Variants in DLEU7 observed in about 807,000 individuals in gnomAD.
DLEU7 encodes deleted in lymphocytic leukemia 7, also known as leukemia-associated protein 7.
A neutral mutation model predicts 16.0 loss-of-function variants in DLEU7; 17 were observed. That is an observed-to-expected ratio of 1.06 (90% CI 0.73 to 1.59). The LOEUF is 1.59. Among genes scored for constraint, DLEU7 ranks in the 40% most tolerant of loss-of-function variants. The pLI is 0.00. For synonymous variants in DLEU7, 113 were observed against 139.8 expected (o/e 0.81, Z 1.35); for missense variants, 308 against 314.9 (o/e 0.98, Z 0.17).
intron 1 of DLEU7, among the ~76,000 whole-genome samples, chr13:50,837,153 G>A (rs1307920572): frequency 1.3e-5 from 2 of 152,122 alleles, no homozygotes; most frequent in Non-Finnish European, 2.9e-5. Flanking sequence ...TTTACTTGTG[G>A]TGTACCTACT....
intron 1 of DLEU7, among the ~76,000 whole-genome samples, chr13:50,749,896 A>C (rs559482243): frequency 2.0e-5 from 3 of 152,080 alleles, no homozygotes; most frequent in Non-Finnish European, 4.4e-5. Flanking sequence ...TTGTCTGTTT[A>C]CTCTGACTGT....
At position 50,785,791 on chromosome 13, in the gene DLEU7, C is replaced by A. The variant is rs570705635; in HGVS notation, c.459+57397G>T. Among the ~76,000 whole-genome samples the A allele has an allele frequency of 1.1e-4, 17 of 152,290 alleles. No individual in the cohort carries two copies. In the South Asian group the frequency reaches 3.3e-3, roughly 30 times the overall value. On this transcript the variant is annotated intron_variant, in intron 1 of 1. Transcript: ENST00000400393. Reference sequence around the variant, plus strand: ...GTACCAGTTTTCTCCAAGAATAGAGCATTTATCACCAACACTTGCCAAATG... The same window carrying A: ...GTACCAGTTTTCTCCAAGAATAGAGAATTTATCACCAACACTTGCCAAATG...
chr13:50,830,922 A>G (rs1290797398), intron 1 of DLEU7, among the ~76,000 whole-genome samples: 4 of 152,180 alleles, frequency 2.6e-5, no homozygotes, highest in African/African-American at 9.7e-5. Flanking sequence ...TATTATGGCT[A>G]TTATGCCTAT....
downstream of DLEU7, among the ~76,000 whole-genome samples, chr13:50,821,017 G>A (rs917317271): frequency 1.3e-5 from 2 of 151,980 alleles, no homozygotes; most frequent in African/African-American, 4.8e-5. Context: ...CAGTAGCCAC[G>A]TGCGGCCAGT....
intron 1 of DLEU7, among the ~76,000 whole-genome samples, chr13:50,776,337 G>C (rs753586108): frequency 1.3e-5 from 2 of 152,190 alleles, no homozygotes; most frequent in African/African-American, 2.4e-5. Context: ...TTGAATTGCC[G>C]GATAGCCCAG....
intron 1 of DLEU7, among the ~76,000 whole-genome samples, chr13:50,714,768 G>A: frequency 6.6e-6 from 1 of 152,194 alleles, no homozygotes; most frequent in East Asian, 1.9e-4. Flanking sequence ...ATTACTTGGA[G>A]AGCTGACCTA....
chr13:50,775,465 T>C (rs527582690), intron 1 of DLEU7, among the ~76,000 whole-genome samples: 6 of 152,336 alleles, frequency 3.9e-5, no homozygotes, highest in South Asian at 4.1e-4. Context: ...TCTGCCTGCA[T>C]TGGGCAGCTA....
chr13:50,810,611 A>G (rs1354741368), intron 1 of DLEU7, among the ~76,000 whole-genome samples: 2 of 152,160 alleles, frequency 1.3e-5, no homozygotes, highest in African/African-American at 2.4e-5. Context: ...TCACCGCATT[A>G]GGGGAAAGGC....
intron 1 of DLEU7, among the ~76,000 whole-genome samples, chr13:50,778,973 A>G (rs900039352): frequency 1.3e-5 from 2 of 152,218 alleles, no homozygotes; most frequent in African/African-American, 4.8e-5. Flanking sequence ...GTTAGTCCCA[A>G]TAGGCGATCA....
chr13:50,833,951 A>G (rs968023420), intron 1 of DLEU7, among the ~76,000 whole-genome samples: 1 of 152,236 alleles, frequency 6.6e-6, no homozygotes, highest in Non-Finnish European at 1.5e-5. Flanking sequence ...AGGATTCCCT[A>G]TTTAAAAAAT....
chr13:50,789,015 C>T (rs562848696), intron 1 of DLEU7, among the ~76,000 whole-genome samples: 38 of 152,190 alleles, frequency 2.5e-4, no homozygotes, highest in African/African-American at 7.7e-4. Context: ...TAAATAATGG[C>T]TTCAATTTTG....
chr13:50,828,290 C>T (rs1877158538), intron 1 of DLEU7, among the ~76,000 whole-genome samples: 1 of 152,100 alleles, frequency 6.6e-6, no homozygotes, highest in Non-Finnish European at 1.5e-5. Context: ...TGTCACAAAG[C>T]AAATCTCAAC....
downstream of DLEU7, chr13:50,822,593 C>T (rs542547804): frequency 8.2e-6 from 8 of 976,196 alleles, no homozygotes; most frequent in African/African-American, 3.5e-5. Flanking sequence ...TTTCCTACTT[C>T]AATCAGAATA....
At chr13:50,735,151 GC>G (rs1278028832) in intron 1 of DLEU7, among the ~76,000 whole-genome samples, 1 of 152,160 alleles carries the variant, frequency 6.6e-6, no homozygotes, top group Admixed American at 6.5e-5. Flanking sequence ...AATACCTGGA[GC>G]AAATATTGAA....
At chr13:50,823,990 T>C (rs1157619900) in intron 1 of DLEU7, among the ~76,000 whole-genome samples, 1 of 152,180 alleles carries the variant, frequency 6.6e-6, no homozygotes, top group Non-Finnish European at 1.5e-5. Flanking sequence ...ACCCCAAGAT[T>C]TTTTGGCCAT....
At position 50,736,054 on chromosome 13, in the gene DLEU7, G is replaced by T. The variant is rs147042223; in HGVS notation, c.460-22814C>A. 3.7e-4 allele frequency among the ~76,000 whole-genome samples: 56 copies of T among 152,224 alleles called. 1 individual carries two copies. In the East Asian group the frequency reaches 0.01, roughly 28 times the overall value. Reference sequence around the variant, plus strand: ...AGTTCTATCATGAAAATACATGCGTGTGTACGTTAATTGCAATACTATTAA... The same window carrying T: ...AGTTCTATCATGAAAATACATGCGTTTGTACGTTAATTGCAATACTATTAA... On this transcript the variant is annotated intron_variant, in intron 1 of 1. Transcript: ENST00000400393.
rs377144735 is a variant in DLEU7, at chr13:50,729,556, G to A, written c.460-16316C>T. On this transcript the variant is annotated intron_variant, in intron 1 of 1. Coordinates refer to the DLEU7 transcript ENST00000400393. The stretch of plus-strand genomic sequence containing the variant: ...CCTTTAGGTATTTACCTAATAATGG[G>A]ATTGCTGGATCAAATGGTACTTCTG... Among the ~76,000 whole-genome samples, 130 of 152,270 alleles carry A rather than the reference G, an allele frequency of 8.5e-4. 5 individuals are homozygous for A. In the South Asian group the frequency reaches 0.026, roughly 31 times the overall value.
intron 1 of DLEU7, among the ~76,000 whole-genome samples, chr13:50,753,035 G>C (rs537912306): frequency 2.4e-4 from 37 of 152,200 alleles, no homozygotes; most frequent in Non-Finnish European, 4.7e-4. Flanking sequence ...AAAGAGTGTT[G>C]ACACAAAGTT....
At chr13:50,740,010 C>T (rs902220032) in intron 1 of DLEU7, among the ~76,000 whole-genome samples, 3 of 151,968 alleles carry the variant, frequency 2.0e-5, no homozygotes, top group Admixed American at 1.3e-4. Flanking sequence ...GCCTTGTTGT[C>T]GAGACCACAC....
Sources: gnomAD v4.1 joint callset for allele counts (sites outside exome capture counted in the v4.1 genomes callset) on GRCh38, gnomAD v4.1.1 for gene constraint, MANE v1.5 for transcripts, NCBI Gene and HGNC (gene_info 2026-07-23, HGNC 2026-07-21) for gene names.